XYLB: variants seen among roughly 807,000 people sequenced by gnomAD.
XYLB encodes the protein xylulose kinase.
Under a neutral mutation model 78.7 loss-of-function variants are expected in XYLB, and 62 were observed. That is an observed-to-expected ratio of 0.79 (90% CI 0.64 to 0.97). XYLB has a LOEUF of 0.97. Ranked by LOEUF, XYLB falls within the 50% of genes least tolerant of loss-of-function variation. The pLI, the probability that XYLB is intolerant of heterozygous loss-of-function variation, is 0.00. For missense variants in XYLB, 687 were observed against 676.8 expected (o/e 1.02, Z -0.17); for synonymous variants, 245 against 247.4 (o/e 0.99, Z 0.09).
chr3:38,377,757 G>GCA (rs1223337340), intron 14 of XYLB, among the ~76,000 whole-genome samples: 1 of 152,124 alleles, frequency 6.6e-6, no homozygotes, highest in African/African-American at 2.4e-5. Context: ...ACTTTTCAAA[G>GCA]CAATAGGCAC....
chr3:38,369,407 A>T (rs1706427992), intron 8 of XYLB, among the ~76,000 whole-genome samples: 1 of 152,172 alleles, frequency 6.6e-6, no homozygotes, highest in Admixed American at 6.5e-5. Flanking sequence ...CCTTAGCCAC[A>T]GCTGGGCCCT....
At chr3:38,363,716 T>C (rs1706098731) in intron 4 of XYLB, among the ~76,000 whole-genome samples, 1 of 152,190 alleles carries the variant, frequency 6.6e-6, no homozygotes, top group South Asian at 2.1e-4. Flanking sequence ...CAGTAAACAT[T>C]ATTAAAGCTT....
At chr3:38,378,949 T>C (rs1165412184) in intron 14 of XYLB, among the ~76,000 whole-genome samples, 1 of 151,834 alleles carries the variant, frequency 6.6e-6, no homozygotes, top group Non-Finnish European at 1.5e-5. Flanking sequence ...ATGTAACTTA[T>C]TGAAGATTGC....
At chr3:38,361,554 G>A (rs972189149) in intron 3 of XYLB, among the ~76,000 whole-genome samples, 3 of 152,226 alleles carry the variant, frequency 2.0e-5, no homozygotes, top group Non-Finnish European at 2.9e-5. Context: ...AGACCAAGGG[G>A]CAGAGTGGGA....
chr3:38,428,561 A>G, the XYLB span, among the ~76,000 whole-genome samples: 1 of 152,206 alleles, frequency 6.6e-6, no homozygotes, highest in African/African-American at 2.4e-5. Flanking sequence ...CCCACTTATG[A>G]AATGTTCCTC....
intron 15 of XYLB, among the ~76,000 whole-genome samples, chr3:38,392,758 G>A (rs572694932): frequency 6.6e-6 from 1 of 152,104 alleles, no homozygotes; most frequent in Admixed American, 6.5e-5. Flanking sequence ...ACAGTTTTTT[G>A]TGTTGCAGAT....
the XYLB span, among the ~76,000 whole-genome samples, chr3:38,434,646 A>G: frequency 3.0e-3 from 453 of 152,362 alleles, 7 homozygotes; most frequent in African/African-American, 0.01. Flanking sequence ...TGGTAAAGCA[A>G]TCACACAAAG....
chr3:38,415,307 A>G (rs1203728460), downstream of XYLB, among the ~76,000 whole-genome samples: 1 of 152,200 alleles, frequency 6.6e-6, no homozygotes, highest in Non-Finnish European at 1.5e-5. Flanking sequence ...CCCAGGGACT[A>G]TTATACTCAC....
In XYLB at chr3:38,375,132, A is replaced by G. The variant is rs749567221; in HGVS notation, c.889-12A>G. ...AAGCCCAAGGTGCCCACCTCTGCCT[A>G]TCTCTCCTCAGGTCAGCCTGGGCAC... On this transcript the variant is annotated splice_polypyrimidine_tract_variant and intron_variant, in intron 11 of 18. Coordinates refer to ENST00000207870, the MANE Select transcript of XYLB (RefSeq NM_005108.4). 57 of 1,611,368 alleles carry G rather than the reference A, an allele frequency of 3.5e-5. No individual in the cohort carries two copies. Among genetic ancestry groups the G allele is most frequent in the Admixed American group, 5.0e-5 (3 of 59,894 alleles).
chr3:38,349,028 A>G (rs1705216514), intron 2 of XYLB, among the ~76,000 whole-genome samples: 1 of 152,222 alleles, frequency 6.6e-6, no homozygotes, highest in Non-Finnish European at 1.5e-5. Flanking sequence ...CCAAGTGCTT[A>G]TTATAAAGGA....
downstream of XYLB, among the ~76,000 whole-genome samples, chr3:38,417,322 T>A (rs1057301854): frequency 2.0e-5 from 3 of 151,948 alleles, no homozygotes; most frequent in African/African-American, 7.3e-5. Context: ...TAGAAATTTA[T>A]GACTCTTCTA....
chr3:38,400,950 A>G lies in XYLB; in HGVS notation c.1498A>G (p.Arg500Gly). Reference sequence around the variant, plus strand: ...GGTTGTGAAGTTAGCTCCAAATCCCAGACTAGCTGCTACCCCAAGCCCGGG... The same window carrying G: ...GGTTGTGAAGTTAGCTCCAAATCCCGGACTAGCTGCTACCCCAAGCCCGGG... ...SEVVKLAPNP[R>G]LAATPSPGAS... Residue 500 changes from arginine (R) to glycine (G), a missense_variant, in exon 18 of 19, where the codon AGA (arginine) becomes GGA (glycine). Coordinates refer to ENST00000207870, the MANE Select transcript of XYLB (RefSeq NM_005108.4). The G allele has an allele frequency of 1.2e-6, 2 of 1,614,202 alleles. No individual in the cohort carries two copies. The highest frequency in any genetic ancestry group is 1.7e-6 in the Non-Finnish European group (2 of 1,180,038).
At chr3:38,392,227 T>A (rs1471982362) in intron 15 of XYLB, among the ~76,000 whole-genome samples, 1 of 152,216 alleles carries the variant, frequency 6.6e-6, no homozygotes, top group Non-Finnish European at 1.5e-5. Context: ...TTTAAATCTG[T>A]TGCCAGTCTG....
intron 14 of XYLB, among the ~76,000 whole-genome samples, chr3:38,377,344 G>A (rs1486499280): frequency 1.3e-5 from 2 of 152,048 alleles, no homozygotes; most frequent in Non-Finnish European, 2.9e-5. Flanking sequence ...CCTCCTGGTT[G>A]AAAGAGCTGC....
At chr3:38,375,073 G>A in intron 11 of XYLB, 71 bp from the exon 12 acceptor site, 3 of 1,226,824 alleles carry the variant, frequency 2.4e-6, no homozygotes, top group Non-Finnish European at 3.5e-6. Flanking sequence ...GTGGAGTACA[G>A]CGCGTCGCTG....
chr3:38,347,020 C>T, intron 1 of XYLB, 95 bp downstream of exon 1: 1 of 1,232,542 alleles, frequency 8.1e-7, no homozygotes. Flanking sequence ...AAACATGGGC[C>T]CGGCCGCGGG....
intron 15 of XYLB, among the ~76,000 whole-genome samples, chr3:38,382,686 G>A (rs1160882271): frequency 6.6e-6 from 1 of 152,172 alleles, no homozygotes; most frequent in East Asian, 1.9e-4. Context: ...CCTGGCAGGG[G>A]TCCTCCGGCT....
rs1482508843 is a variant in XYLB, at chr3:38,388,355, C to T, written c.1292-7150C>T. ...ATAGTTTATAACAGTGTATTGTATTCGTCAAAATTGCCAAGAGATTTTAGG... is the reference window on the plus strand; with the variant it reads ...ATAGTTTATAACAGTGTATTGTATTTGTCAAAATTGCCAAGAGATTTTAGG... On this transcript the variant is annotated intron_variant, in intron 15 of 18. Coordinates refer to ENST00000207870, the MANE Select transcript of XYLB (RefSeq NM_005108.4). Among the ~76,000 whole-genome samples the T allele has an allele frequency of 4.6e-5, 7 of 151,756 alleles. No homozygotes were observed. The South Asian group carries it at 1.2e-3, about 27-fold the overall frequency.
At chr3:38,408,812 T>C (rs1399503126) in intron 18 of XYLB, among the ~76,000 whole-genome samples, 2 of 151,864 alleles carry the variant, frequency 1.3e-5, no homozygotes, top group African/African-American at 2.4e-5. Flanking sequence ...CCTCGACACA[T>C]ACACCCTCCC....
Sources: gnomAD v4.1 joint callset for allele counts (sites outside exome capture counted in the v4.1 genomes callset) on GRCh38, gnomAD v4.1.1 for gene constraint, MANE v1.5 for transcripts, NCBI Gene and HGNC (gene_info 2026-07-23, HGNC 2026-07-21) for gene names.